ATP8B4: variants seen among roughly 807,000 people sequenced by gnomAD.
The protein encoded by ATP8B4 is probable phospholipid-transporting ATPase IM.
ATP8B4 carries 133 observed loss-of-function variants against 145.6 expected under a neutral mutation model. The ratio of observed to expected loss-of-function variants is 0.91; its 90% confidence interval spans 0.79 to 1.05. The LOEUF is 1.05. Ranked by LOEUF, ATP8B4 falls within the 50% of genes least tolerant of loss-of-function variation. The pLI is 0.00. For missense variants in ATP8B4, 1,458 were observed against 1,425.2 expected, an observed-to-expected ratio of 1.02 and a Z score of -0.37; for synonymous variants, 507 against 492.9, an observed-to-expected ratio of 1.03 and a Z score of -0.38.
chr15:49,961,433 T>C (rs1420880229), intron 14 of ATP8B4, among the ~76,000 whole-genome samples: 2 of 152,202 alleles, frequency 1.3e-5, no homozygotes, highest in Admixed American at 6.5e-5. Context: ...GATTTAGCAA[T>C]TCTATTTCTA....
intron 2 of ATP8B4, among the ~76,000 whole-genome samples, chr15:50,089,490 G>C (rs1248502070): frequency 2.0e-5 from 3 of 151,874 alleles, no homozygotes; most frequent in African/African-American, 7.3e-5. Context: ...CTCAAAAGAA[G>C]ACATTTATGT....
chr15:49,864,039 G>T (rs145345957), intron 26 of ATP8B4, among the ~76,000 whole-genome samples: 4 of 152,142 alleles, frequency 2.6e-5, no homozygotes, highest in Non-Finnish European at 4.4e-5. Flanking sequence ...TTTGGCAAAC[G>T]ATCTTAAAAA....
chr15:49,919,994 G>T (rs554985201), intron 18 of ATP8B4, among the ~76,000 whole-genome samples: 1 of 152,186 alleles, frequency 6.6e-6, no homozygotes, highest in Admixed American at 6.5e-5. Flanking sequence ...ACAAAGAATA[G>T]GTAGCCTACT....
At chr15:50,002,068 T>A in intron 8 of ATP8B4, 85 bp downstream of exon 8, 2 of 1,138,158 alleles carry the variant, frequency 1.8e-6, no homozygotes, top group Non-Finnish European at 2.5e-6. Flanking sequence ...AAGAAGATAC[T>A]GAACAAGGTT....
chr15:49,953,694 T>C (rs2043300503), intron 14 of ATP8B4, among the ~76,000 whole-genome samples: 2 of 152,200 alleles, frequency 1.3e-5, no homozygotes, highest in Admixed American at 1.3e-4. Context: ...CTCAAAAGGC[T>C]TAGACAGCAG....
chr15:49,889,798 G>C (rs936769240), intron 23 of ATP8B4, among the ~76,000 whole-genome samples: 1 of 152,186 alleles, frequency 6.6e-6, no homozygotes, highest in Non-Finnish European at 1.5e-5. Flanking sequence ...AAATAATTAA[G>C]CTGGTGTTTT....
chr15:50,155,185 T>A (rs1321967758), intron 1 of ATP8B4, among the ~76,000 whole-genome samples: 1 of 152,146 alleles, frequency 6.6e-6, no homozygotes, highest in African/African-American at 2.4e-5. Flanking sequence ...ATTTTGTCAA[T>A]AACTCAGAAG....
At chr15:50,023,081 C>A (rs1005214837) in intron 6 of ATP8B4, among the ~76,000 whole-genome samples, 6 of 152,160 alleles carry the variant, frequency 3.9e-5, no homozygotes, top group Non-Finnish European at 7.3e-5. Flanking sequence ...ATGTGCTCCA[C>A]CCAGCTCCAG....
intron 1 of ATP8B4, among the ~76,000 whole-genome samples, chr15:50,125,568 G>A (rs1414700334): frequency 1.3e-5 from 2 of 152,114 alleles, no homozygotes; most frequent in Non-Finnish European, 2.9e-5. Context: ...GTCTCTGTGA[G>A]AACAGAAAAA....
At chr15:49,876,565 A>C (rs1178304423) in intron 24 of ATP8B4, 42 bp from the exon 25 acceptor site, 2 of 1,611,498 alleles carry the variant, frequency 1.2e-6, no homozygotes, top group Non-Finnish European at 8.5e-7. Context: ...GATTAAAAAG[A>C]GTCAGAGAGG....
intron 1 of ATP8B4, among the ~76,000 whole-genome samples, chr15:50,164,780 T>C (rs754837557): frequency 3.9e-5 from 6 of 152,240 alleles, no homozygotes; most frequent in African/African-American, 1.2e-4. Flanking sequence ...ACTCTGACCA[T>C]TGAGATGGGA....
intron 1 of ATP8B4, among the ~76,000 whole-genome samples, chr15:50,140,344 C>G (rs1388493376): frequency 6.6e-6 from 1 of 152,178 alleles, no homozygotes; most frequent in Non-Finnish European, 1.5e-5. Flanking sequence ...ACTCCTGACT[C>G]TTCCGAGACT....
At chr15:49,879,305 T>G in intron 24 of ATP8B4, 71 bp downstream of exon 24, 1 of 1,355,250 alleles carries the variant, frequency 7.4e-7, no homozygotes, top group Non-Finnish European at 1.0e-6. Context: ...TTGTGTTTTC[T>G]ACTTAGAACC....
At chr15:50,058,766 C>T (rs942711688) in intron 3 of ATP8B4, among the ~76,000 whole-genome samples, 1 of 152,110 alleles carries the variant, frequency 6.6e-6, no homozygotes, top group South Asian at 2.1e-4. Context: ...CCTAGCCTTT[C>T]CTGGTCTCCA....
At chr15:49,898,793 AG>A (rs887690037) in intron 21 of ATP8B4, among the ~76,000 whole-genome samples, 3 of 152,208 alleles carry the variant, frequency 2.0e-5, no homozygotes, top group Admixed American at 6.5e-5. Flanking sequence ...AAACCCAGAG[AG>A]GCCTGTGCAA....
intron 25 of ATP8B4, among the ~76,000 whole-genome samples, chr15:49,869,143 C>T (rs2033291526): frequency 6.6e-6 from 1 of 152,076 alleles, no homozygotes; most frequent in African/African-American, 2.4e-5. Flanking sequence ...ACCTCCTGAC[C>T]TCAGGTAATC....
At chr15:49,865,765 C>T (rs1035412900) in intron 26 of ATP8B4, among the ~76,000 whole-genome samples, 1 of 152,088 alleles carries the variant, frequency 6.6e-6, no homozygotes, top group Non-Finnish European at 1.5e-5. Context: ...TATATATTCT[C>T]GCATGGAAAG....
intron 1 of ATP8B4, among the ~76,000 whole-genome samples, chr15:50,170,497 C>A (rs1006647201): frequency 6.9e-6 from 1 of 144,410 alleles, no homozygotes; most frequent in East Asian, 2.1e-4. Context: ...ATTACCAAAC[C>A]CCCCCCACCC....
At chr15:49,893,725 A>G (rs867675517) in intron 23 of ATP8B4, among the ~76,000 whole-genome samples, 4 of 152,314 alleles carry the variant, frequency 2.6e-5, no homozygotes, top group Middle Eastern at 6.8e-3. Context: ...TCTGTTACAT[A>G]ACAATGTGTA....
Sources: allele counts gnomAD v4.1 joint callset (sites outside exome capture counted in the v4.1 genomes callset), GRCh38; gene constraint gnomAD v4.1.1; transcripts MANE v1.5; gene names NCBI Gene and HGNC (gene_info 2026-07-23, HGNC 2026-07-21).